Variants in TNIP2 observed in about 807,000 individuals in gnomAD.
The protein encoded by TNIP2 is TNFAIP3-interacting protein 2.
In TNIP2, 30 loss-of-function variants were observed where a neutral mutation model predicts 43.7. That is an observed-to-expected ratio of 0.69 (90% CI 0.51 to 0.93). TNIP2 has a LOEUF of 0.93. TNIP2 is among the 40% of genes least tolerant of loss of function. TNIP2 has a pLI of 0.00. For synonymous variants in TNIP2, 260 were observed against 254.6 expected, an observed-to-expected ratio of 1.02 and a Z score of -0.20; for missense variants, 599 against 591.0, an observed-to-expected ratio of 1.01 and a Z score of -0.14.
Position 2,756,204 on chromosome 4 carries a change from T to C in TNIP2, c.86A>G (p.Gln29Arg). The change falls in exon 1 of 6, where the codon CAG (glutamine) becomes CGG (arginine). Residue 29 changes from glutamine to arginine, a missense_variant. By Grantham distance (43) the Gln-to-Arg change is conservative. Coordinates refer to ENST00000315423, the MANE Select transcript of TNIP2 (RefSeq NM_024309.4). Reference protein sequence around the residue: ...ALCTLYHEAGQRLRRLQDQLA... With the variant: ...ALCTLYHEAGRRLRRLQDQLA... ...CTGGTCCTGCAGGCGGCGCAGCCGC[T>C]GTCCGGCCTCGTGGTACAGGGTGCA... is the stretch of plus-strand genomic sequence containing the variant. The C allele has an allele frequency of 6.8e-7, 1 of 1,474,288 alleles. No individual in the cohort carries two copies. The highest frequency in any genetic ancestry group is 8.9e-7 in the Non-Finnish European group (1 of 1,120,780). The allele number at this position is 1,474,288 out of a possible 1,614,324, so 91.3% of individuals were successfully genotyped here. A position where few individuals can be genotyped will look rare whatever the true frequency, so the allele number is the denominator to read the frequency against.
rs919771460 is a variant in TNIP2, at chr4:2,753,666, G to A, written c.276+2348C>T. Among the ~76,000 whole-genome samples the A allele has an allele frequency of 3.3e-5, 5 of 152,180 alleles. 1 individual carries two copies. The highest frequency in any genetic ancestry group is 2.0e-4 in the Admixed American group (3 of 15,270). Reference sequence around the variant, plus strand: ...TGCAAGTATACTGCTCTGGTTGTGAGGTCCCTGCATCCTGTCCCACCAACA... The same window carrying A: ...TGCAAGTATACTGCTCTGGTTGTGAAGTCCCTGCATCCTGTCCCACCAACA... On this transcript the variant is annotated intron_variant, in intron 1 of 5. Transcript: ENST00000315423.
intron 3 of TNIP2, 36 bp downstream of exon 3, chr4:2,745,410 T>C: frequency 1.4e-6 from 2 of 1,478,724 alleles, no homozygotes; most frequent in East Asian, 2.3e-5. Flanking sequence ...TTGTAAGCCA[T>C]GTGTTCTTCT....
intron 5 of TNIP2, among the ~76,000 whole-genome samples, chr4:2,743,654 G>T (rs541466894): frequency 3.7e-4 from 57 of 152,306 alleles, no homozygotes; most frequent in Middle Eastern, 3.4e-3. Context: ...CCTAGCTCCA[G>T]CCCGGGACGC....
Position 2,744,365 on chromosome 4 carries a change from G to T in TNIP2, c.1026+22C>A, listed in dbSNP as rs16843335. On this transcript the variant is annotated intron_variant, in intron 5 of 5. Coordinates refer to ENST00000315423, the MANE Select transcript of TNIP2 (RefSeq NM_024309.4). The surrounding 1 kb of genome is among the most constrained non-coding windows in gnomAD (Gnocchi z 5.1). ...CAAAAACACTAAACCTAAGCAGGAA[G>T]AAAAACGCCCTCATACTCTACCTGT... 3,259 of 1,613,960 alleles carry T rather than the reference G, an allele frequency of 2.0e-3. 57 individuals carry two copies. The African/African-American group carries it at 0.038, about 19-fold the overall frequency.
At chr4:2,743,997 G>A (rs1721865758) in intron 5 of TNIP2, among the ~76,000 whole-genome samples, 1 of 152,136 alleles carries the variant, frequency 6.6e-6, no homozygotes, top group Non-Finnish European at 1.5e-5. Context: ...GATGTTACTG[G>A]ACACCCAGGG....
chr4:2,754,711 G>A (rs770060273), intron 1 of TNIP2, among the ~76,000 whole-genome samples: 1 of 151,966 alleles, frequency 6.6e-6, no homozygotes, highest in Non-Finnish European at 1.5e-5. Context: ...CACCGCGTCC[G>A]GACCCTTGTG....
chr4:2,744,182 TAACTA>T lies in TNIP2; in HGVS notation c.1026+200_1026+204del, dbSNP rs1721872868. ...CAGGCCGCCATGCCAGCCTCCTCCA[TAACTA>T]AACAGTATAACAGGGAGGCTTTCCA... On this transcript the variant is annotated intron_variant, in intron 5 of 5. Coordinates refer to ENST00000315423, the MANE Select transcript of TNIP2 (RefSeq NM_024309.4). This position sits in a 1 kb window ranked among gnomAD's most constrained non-coding sequence, Gnocchi z 5.1. 6.6e-6 allele frequency among the ~76,000 whole-genome samples: 1 copy of T among 152,118 alleles called. No individual in the cohort carries two copies. Among genetic ancestry groups the T allele is most frequent in the African/African-American group, 2.4e-5 (1 of 41,418 alleles).
rs753612609 is a variant in TNIP2 at position 2,744,736 on chromosome 4, C to G, written c.867G>C (p.Arg289=). The change falls in exon 4 of 6, where the codon CGG becomes CGC. Residue 289 remains arginine, a synonymous_variant. Coordinates refer to ENST00000315423, the MANE Select transcript of TNIP2 (RefSeq NM_024309.4). The surrounding 1 kb of genome is among the most constrained non-coding windows in gnomAD (Gnocchi z 5.1). The stretch of plus-strand genomic sequence containing the variant: ...TCTGCACCCGCTCCAACGCAGCATC[C>G]CGGGCCGTCCTGGAGGCCGCCAGCT... ...KQELAASRTA[R]DAALERVQML... 3.7e-6 allele frequency: 6 copies of G among 1,606,778 alleles called. No homozygotes were observed. In the Admixed American group the frequency reaches 1.0e-4, roughly 27 times the overall value.
At chr4:2,747,552 A>G in intron 2 of TNIP2, 103 bp downstream of exon 2, 2 of 1,191,502 alleles carry the variant, frequency 1.7e-6, no homozygotes, top group Non-Finnish European at 2.4e-6. Flanking sequence ...TGAGAACAGA[A>G]GTGGGTTCTG....
intron 1 of TNIP2, 56 bp downstream of exon 1, chr4:2,755,958 G>T: frequency 1.4e-6 from 2 of 1,470,626 alleles, no homozygotes; most frequent in Non-Finnish European, 1.8e-6. Flanking sequence ...CCCAGGACCC[G>T]GCGGCCGCCA....
intron 1 of TNIP2, among the ~76,000 whole-genome samples, chr4:2,751,900 T>G (rs1388865088): frequency 6.7e-6 from 1 of 149,388 alleles, no homozygotes; most frequent in African/African-American, 2.5e-5. Context: ...GGTCAGGAGT[T>G]CAAGACCAGC....
chr4:2,750,788 A>G (rs1327735362), intron 1 of TNIP2, among the ~76,000 whole-genome samples: 1 of 151,516 alleles, frequency 6.6e-6, no homozygotes, highest in Non-Finnish European at 1.5e-5. Flanking sequence ...CACCGTGCCC[A>G]GGTAAAATCT....
chr4:2,755,647 C>A (rs1468484395), intron 1 of TNIP2, among the ~76,000 whole-genome samples: 1 of 144,762 alleles, frequency 6.9e-6, no homozygotes, highest in Admixed American at 6.8e-5. Flanking sequence ...CCTCTCTCCC[C>A]TAGGACCCAG....
chr4:2,743,742 C>T (rs535357060), intron 5 of TNIP2, among the ~76,000 whole-genome samples: 5 of 152,324 alleles, frequency 3.3e-5, no homozygotes, highest in Admixed American at 1.3e-4. Flanking sequence ...CAGGCTATTC[C>T]CAGGGCCAAA....
In TNIP2 at chr4:2,744,680, G is replaced by C; in HGVS notation, c.906+17C>G. The C allele has an allele frequency of 2.5e-6, 4 of 1,596,236 alleles. No homozygotes were observed. The highest frequency in any genetic ancestry group is 3.4e-6 in the Non-Finnish European group (4 of 1,176,064). Reference sequence around the variant, plus strand: ...AGACATCTGGTCAGTGCCGTCCGGAGCCCGAGGGACAGACACCTGCTGTTC... The same window carrying C: ...AGACATCTGGTCAGTGCCGTCCGGACCCCGAGGGACAGACACCTGCTGTTC... On this transcript the variant is annotated intron_variant, in intron 4 of 5. Transcript: ENST00000315423. The surrounding 1 kb of genome is among the most constrained non-coding windows in gnomAD (Gnocchi z 5.1).
intron 5 of TNIP2, among the ~76,000 whole-genome samples, chr4:2,743,928 G>A (rs1210735710): frequency 1.3e-5 from 2 of 152,182 alleles, no homozygotes; most frequent in Non-Finnish European, 2.9e-5. Context: ...TGAGCCCAGG[G>A]GTGGGGTGAG....
At chr4:2,749,173 A>AT (rs1340842124) in intron 1 of TNIP2, among the ~76,000 whole-genome samples, 1 of 152,104 alleles carries the variant, frequency 6.6e-6, no homozygotes, top group East Asian at 1.9e-4. Flanking sequence ...TTCGCTATAT[A>AT]TAGCCCAAGC....
Position 2,756,135 on chromosome 4 carries a change from A to C in TNIP2, c.155T>G (p.Leu52Arg). 6.8e-7 allele frequency: 1 copy of C among 1,473,580 alleles called. No individual in the cohort carries two copies. 91.3% of individuals were successfully genotyped at this position (1,473,580 alleles called of 1,614,324 possible). A position where few individuals can be genotyped will look rare whatever the true frequency, so the allele number is the denominator to read the frequency against. ...DALIARLRARLAALEGDAAPS... is the reference protein window; with the variant it reads ...DALIARLRARRAALEGDAAPS... ...CGCGGCGTCCCCCTCCAGCGCGGCC[A>C]GGCGGGCGCGGAGGCGAGCGATGAG... The change falls in exon 1 of 6, where the codon CTG becomes CGG. Residue 52 changes from leucine to arginine, a missense_variant. By Grantham distance (102) the Leu-to-Arg change is moderately radical (BLOSUM62 -2). Coordinates refer to ENST00000315423, the MANE Select transcript of TNIP2 (RefSeq NM_024309.4).
At chr4:2,752,134 G>GAAAGA (rs1722118624) in intron 1 of TNIP2, among the ~76,000 whole-genome samples, 1 of 148,442 alleles carries the variant, frequency 6.7e-6, no homozygotes, top group East Asian at 2.0e-4. Flanking sequence ...AGGAAGGAAA[G>GAAAGA]AAAGAAAAGA....
Sources: allele counts gnomAD v4.1 joint callset (sites outside exome capture counted in the v4.1 genomes callset), GRCh38; gene constraint gnomAD v4.1.1; non-coding constraint Gnocchi (gnomAD v3.1); transcripts MANE v1.5; gene names NCBI Gene and HGNC (gene_info 2026-07-23, HGNC 2026-07-21).